Variants in COG6 observed in about 807,000 individuals in gnomAD.
The protein encoded by COG6 is conserved oligomeric Golgi complex subunit 6.
COG6 carries 74 observed loss-of-function variants against 88.8 expected under a neutral mutation model. The ratio of observed to expected loss-of-function variants is 0.83; its 90% CI spans 0.69 to 1.01. The LOEUF (loss-of-function observed/expected upper bound fraction) is 1.01, where lower values mean the gene tolerates loss of function less well. Among genes scored for constraint, COG6 ranks in the 50% least tolerant of loss-of-function variants. The pLI is 0.00. For missense variants in COG6, 800 were observed against 797.9 expected (o/e 1.00, Z -0.03); for synonymous variants, 286 against 278.7 (o/e 1.03, Z -0.26).
At chr13:39,669,596 A>G (rs1226971758) in intron 4 of COG6, among the ~76,000 whole-genome samples, 2 of 152,224 alleles carry the variant, frequency 1.3e-5, no homozygotes, top group East Asian at 1.9e-4. Flanking sequence ...GTAAATGAAT[A>G]TGGAAAGCAA....
Position 39,751,681 on chromosome 13 carries a change from A to G in COG6, c.*588A>G. Reference sequence around the variant, plus strand: ...TCTCCTTTCTGTTCTACTTTAGCATACTATATATATTTGACTGTGTACATT... The same window carrying G: ...TCTCCTTTCTGTTCTACTTTAGCATGCTATATATATTTGACTGTGTACATT... On this transcript the variant is annotated 3_prime_UTR_variant, in exon 19 of 19. Transcript: ENST00000455146. 2 of 1,286,898 alleles carry G rather than the reference A, an allele frequency of 1.6e-6. No individual in the cohort carries two copies. The highest frequency in any genetic ancestry group is 2.0e-6 in the Non-Finnish European group (2 of 988,444). The allele number at this position is 1,286,898 out of a possible 1,614,324, so 79.7% of individuals were successfully genotyped here. A position where few individuals can be genotyped will look rare whatever the true frequency, so the allele number is the denominator to read the frequency against.
intron 3 of COG6, among the ~76,000 whole-genome samples, chr13:39,662,131 T>C (rs1020950765): frequency 1.2e-4 from 18 of 147,130 alleles, no homozygotes; most frequent in Admixed American, 3.7e-4. Flanking sequence ...TCTTTCTGTT[T>C]TGTCCTTTGT....
chr13:39,758,258 G>T (rs533902961), intron 18 of COG6, among the ~76,000 whole-genome samples: 1 of 148,516 alleles, frequency 6.7e-6, no homozygotes, highest in African/African-American at 2.5e-5. Context: ...AGCTGGACGC[G>T]GTGGCTCATG....
chr13:39,783,036 A>G (rs1054145832), intron 18 of COG6, among the ~76,000 whole-genome samples: 2 of 152,204 alleles, frequency 1.3e-5, no homozygotes, highest in Non-Finnish European at 1.5e-5. Flanking sequence ...TACATATATT[A>G]TAGTTCAGCA....
chr13:39,788,262 G>GA, intron 18 of COG6: 1 of 1,397,570 alleles, frequency 7.2e-7, no homozygotes, highest in Non-Finnish European at 9.9e-7. Flanking sequence ...GAATATGCAG[G>GA]AATGTGAGGT....
At position 39,694,633 on chromosome 13, in the gene COG6, G is replaced by C. The variant is rs781641023; in HGVS notation, c.1075-1G>C. 1 of 1,565,698 alleles carries C rather than the reference G, an allele frequency of 6.4e-7. No homozygotes were observed. The highest frequency in any genetic ancestry group is 8.8e-7 in the Non-Finnish European group (1 of 1,138,524). On this transcript the variant is annotated splice_acceptor_variant, in intron 11 of 18. Coordinates refer to ENST00000455146, the MANE Select transcript of COG6 (RefSeq NM_020751.3). LOFTEE classifies it high-confidence loss of function. ...TACTTTCCTCTCACATATTTTAATA[G>C]GTTCGAATTGAGCAAGTAATAGTTG... is the stretch of plus-strand genomic sequence containing the variant.
At chr13:39,663,339 C>T (rs940789488) in intron 3 of COG6, among the ~76,000 whole-genome samples, 1 of 152,006 alleles carries the variant, frequency 6.6e-6, no homozygotes, top group Admixed American at 6.6e-5. Context: ...AAGGTGCACC[C>T]TCAATAACGA....
intron 18 of COG6, among the ~76,000 whole-genome samples, chr13:39,728,544 A>AT (rs1022679885): frequency 4.2e-4 from 64 of 150,648 alleles, no homozygotes; most frequent in African/African-American, 1.5e-3. Flanking sequence ...AATGAATTTA[A>AT]TTTTTTTTTG....
intron 8 of COG6, among the ~76,000 whole-genome samples, chr13:39,686,377 T>C (rs1212606500): frequency 6.6e-6 from 1 of 152,182 alleles, no homozygotes; most frequent in African/African-American, 2.4e-5. Context: ...GTCAAAGAAA[T>C]GGGCACTCCA....
intron 17 of COG6, among the ~76,000 whole-genome samples, chr13:39,725,219 G>A (rs1237472140): frequency 6.6e-6 from 1 of 151,804 alleles, no homozygotes; most frequent in Non-Finnish European, 1.5e-5. Context: ...AGTACTACTA[G>A]TAATAGTAAT....
At chr13:39,728,787 C>A (rs1024358296) in intron 18 of COG6, among the ~76,000 whole-genome samples, 5 of 151,842 alleles carry the variant, frequency 3.3e-5, no homozygotes, top group Admixed American at 6.6e-5. Context: ...GCCTCAGCCT[C>A]CTGAGTAACT....
chr13:39,699,826 T>C (rs931272827), intron 13 of COG6, among the ~76,000 whole-genome samples: 5 of 151,860 alleles, frequency 3.3e-5, no homozygotes, highest in African/African-American at 4.8e-5. Flanking sequence ...TGAGTTATAA[T>C]TGGAGATGGC....
chr13:39,774,570 A>AT (rs1282793673), intron 18 of COG6, among the ~76,000 whole-genome samples: 1 of 151,210 alleles, frequency 6.6e-6, no homozygotes, highest in Non-Finnish European at 1.5e-5. Context: ...TTGGAAAAAA[A>AT]TTTCTTTTTT....
chr13:39,744,974 C>T (rs569773733), intron 18 of COG6, among the ~76,000 whole-genome samples: 152 of 151,746 alleles, frequency 1.0e-3, no homozygotes, highest in African/African-American at 3.2e-3. Context: ...TGATCTTTGA[C>T]AAACCTGACA....
intron 4 of COG6, among the ~76,000 whole-genome samples, chr13:39,669,130 A>T (rs1428740340): frequency 6.6e-6 from 1 of 152,244 alleles, no homozygotes; most frequent in Non-Finnish European, 1.5e-5. Flanking sequence ...CAAAGCAGCC[A>T]GCTCTGTGAG....
At chr13:39,784,018 G>C (rs1881704661) in intron 18 of COG6, among the ~76,000 whole-genome samples, 1 of 152,172 alleles carries the variant, frequency 6.6e-6, no homozygotes, top group African/African-American at 2.4e-5. Flanking sequence ...GTGGTAAGAA[G>C]GGAAGCAAGC....
Position 39,668,838 on chromosome 13 carries a change from C to G in COG6, c.428+3684C>G, listed in dbSNP as rs376666290. 5.3e-5 allele frequency among the ~76,000 whole-genome samples: 8 copies of G among 151,928 alleles called. No individual in the cohort carries two copies. In the East Asian group the frequency reaches 5.8e-4, roughly 11 times the overall value. Reference sequence around the variant, plus strand: ...GAAACAATACAGAGATCCAAGGTAGCCTTTACCTTGTTTCTGCCAAAGGTA... The same window carrying G: ...GAAACAATACAGAGATCCAAGGTAGGCTTTACCTTGTTTCTGCCAAAGGTA... On this transcript the variant is annotated intron_variant, in intron 4 of 18. Coordinates refer to ENST00000455146, the MANE Select transcript of COG6 (RefSeq NM_020751.3).
intron 15 of COG6, among the ~76,000 whole-genome samples, chr13:39,722,859 C>G (rs766607040): frequency 1.3e-5 from 2 of 151,966 alleles, no homozygotes; most frequent in African/African-American, 2.4e-5. Flanking sequence ...TGTCACAGAC[C>G]TGCCTTATCC....
intron 4 of COG6, among the ~76,000 whole-genome samples, chr13:39,668,256 G>A (rs865858609): frequency 1.1e-4 from 16 of 151,968 alleles, no homozygotes; most frequent in African/African-American, 2.7e-4. Flanking sequence ...ATCTTGATTT[G>A]GGCTCAGGAT....
Sources: allele counts gnomAD v4.1 joint callset (sites outside exome capture counted in the v4.1 genomes callset), GRCh38; gene constraint gnomAD v4.1.1; transcripts MANE v1.5; gene names NCBI Gene and HGNC (gene_info 2026-07-23, HGNC 2026-07-21).